The following GLB1L3 variants were observed in gnomAD, a reference collection of about 807,000 sequenced individuals.
GLB1L3 encodes beta-galactosidase-1-like protein 3.
Under a neutral mutation model 89.5 loss-of-function variants are expected in GLB1L3, and 89 were observed. The ratio of observed to expected loss-of-function variants is 0.99; its 90% CI spans 0.84 to 1.19. The LOEUF is 1.19. Ranked by LOEUF, GLB1L3 falls within the 50% of genes most tolerant of loss-of-function variation. The probability of loss-of-function intolerance (pLI) is 0.00; values close to 1 mark genes in which losing one functional copy is unlikely to be tolerated. For synonymous variants in GLB1L3, 314 were observed against 312.3 expected (o/e 1.01, Z -0.06); for missense variants, 812 against 813.3 (o/e 1.00, Z 0.02).
Position 134,313,430 on chromosome 11 carries a change from A to C in GLB1L3, c.1535A>C (p.Gln512Pro), listed in dbSNP as rs753546570. ...CRYLRILVENQGRVNFSWQIQ... is the reference protein window; with the variant it reads ...CRYLRILVENPGRVNFSWQIQ... ...TACCTGAGGATCCTGGTGGAGAATC[A>C]AGGACGAGTCAATTTTTCATGGCAA... The change falls in exon 16 of 20, where the codon CAA becomes CCA. Residue 512 changes from glutamine (Q) to proline (P), a missense_variant. Physicochemically the swap from Gln to Pro is moderately conservative, Grantham distance 76. Transcript: ENST00000431683. 1 of 1,585,224 alleles carries C rather than the reference A, an allele frequency of 6.3e-7. No homozygotes were observed. Among genetic ancestry groups the C allele is most frequent in the East Asian group, 2.3e-5 (1 of 43,596 alleles).
downstream of GLB1L3, among the ~76,000 whole-genome samples, chr11:134,321,817 T>C (rs1943172699): frequency 6.6e-6 from 1 of 151,838 alleles, no homozygotes; most frequent in African/African-American, 2.4e-5. Context: ...ACACCTAATG[T>C]AAATGAGGAG....
chr11:134,284,745 CA>C (rs1450018848), intron 6 of GLB1L3, among the ~76,000 whole-genome samples: 8 of 151,428 alleles, frequency 5.3e-5, no homozygotes, highest in Admixed American at 4.6e-4. Flanking sequence ...CAAAACGAAA[CA>C]AAAAAACAAA....
Position 134,314,582 on chromosome 11 carries a change from A to G in GLB1L3, c.1779+141A>G, listed in dbSNP as rs914446488. On this transcript the variant is annotated intron_variant, in intron 18 of 19. Coordinates refer to ENST00000431683, the MANE Select transcript of GLB1L3 (RefSeq NM_001080407.3). ...TCCTCATCTCCAACCAAGCCTTCCA[A>G]CATTGATCAGTCTTCCTAATTTATC... is the stretch of plus-strand genomic sequence containing the variant. The G allele has an allele frequency of 1.2e-5, 8 of 671,068 alleles. No homozygotes were observed. In the Admixed American group the frequency reaches 2.1e-4, roughly 18 times the overall value. The allele number at this position is 671,068 out of a possible 1,614,324, so 41.6% of individuals were successfully genotyped here. A position where few individuals can be genotyped will look rare whatever the true frequency, so the allele number is the denominator to read the frequency against.
Position 134,277,736 on chromosome 11 carries a change from G to A in GLB1L3, c.186G>A (p.Lys62=), listed in dbSNP as rs1396614409. ...CTCATCTGACCCCTCTGGAGCTGAAGAATCGATCTGTGGGACTTGGAACTG... is the reference window on the plus strand; with the variant it reads ...CTCATCTGACCCCTCTGGAGCTGAAAAATCGATCTGTGGGACTTGGAACTG... ...NWSHLTPLEL[K]NRSVGLGTES... is the part of the protein sequence containing the mutation. The change falls in exon 3 of 20, where the codon AAG becomes AAA. Residue 62 remains lysine, a synonymous_variant. Transcript: ENST00000431683. The A allele has an allele frequency of 3.7e-6, 6 of 1,612,884 alleles. No homozygotes were observed. In the South Asian group the frequency reaches 5.5e-5, roughly 15 times the overall value.
chr11:134,295,651 G>T (rs1033156294), intron 9 of GLB1L3, among the ~76,000 whole-genome samples: 9 of 152,112 alleles, frequency 5.9e-5, no homozygotes, highest in Non-Finnish European at 1.3e-4. Flanking sequence ...CCCTTCTGCT[G>T]CCTTCAGATT....
At chr11:134,280,032 G>C (rs1171664861) in intron 3 of GLB1L3, among the ~76,000 whole-genome samples, 1 of 151,802 alleles carries the variant, frequency 6.6e-6, no homozygotes, top group Non-Finnish European at 1.5e-5. Context: ...TCAAAGATAT[G>C]AATGTTTCTC....
Position 134,312,470 on chromosome 11 carries a change from A to C in GLB1L3, c.1409A>C (p.His470Pro). The stretch of plus-strand genomic sequence containing the variant: ...TGCTCCGGAGGCCGCCTCCGTGCCC[A>C]CGCTCATGACGTGGCACAGGTAGGG... ...SICSGGRLRA[H>P]AHDVAQVFLD... The change falls in exon 14 of 20, where the codon CAC (histidine) becomes CCC (proline). Residue 470 changes from histidine (H) to proline (P), a missense_variant. This residue lies in a region of GLB1L3 where 618 missense variants were observed against 604.0 expected (regional missense o/e 1.02). Coordinates refer to ENST00000431683, the MANE Select transcript of GLB1L3 (RefSeq NM_001080407.3). 6.2e-7 allele frequency: 1 copy of C among 1,612,814 alleles called. No individual in the cohort carries two copies. Among genetic ancestry groups the C allele is most frequent in the Non-Finnish European group, 8.5e-7 (1 of 1,179,868 alleles).
chr11:134,307,017 A>G, intron 9 of GLB1L3, 107 bp from the exon 10 acceptor site: 1 of 728,112 alleles, frequency 1.4e-6, no homozygotes, highest in Admixed American at 2.7e-5. Flanking sequence ...AATTGGGAAA[A>G]AGGAGAAACG....
At chr11:134,324,136 C>T (rs922081795), downstream of GLB1L3, among the ~76,000 whole-genome samples, 2 of 152,160 alleles carry the variant, frequency 1.3e-5, no homozygotes, top group African/African-American at 4.8e-5. Context: ...ACTCAGAAAT[C>T]ATGGCAAAGA....
At chr11:134,318,568 G>C (rs531129236) in intron 18 of GLB1L3, 63 bp from the exon 19 acceptor site, 8 of 951,986 alleles carry the variant, frequency 8.4e-6, no homozygotes, top group Non-Finnish European at 6.7e-6. Context: ...CTCTCCAAGT[G>C]CCTTAGGTTT....
chr11:134,308,453 CACCACCACCACCACCACCAAAT>C (rs1419121594), intron 10 of GLB1L3, among the ~76,000 whole-genome samples: 11 of 44,404 alleles, frequency 2.5e-4, no homozygotes, highest in African/African-American at 4.0e-4. Context: ...CCATCACCAC[CACCACCACCACCACCACCAAAT>C]ACCACCACCA....
At chr11:134,308,556 T>C (rs140914654) in intron 10 of GLB1L3, among the ~76,000 whole-genome samples, 2,099 of 57,240 alleles carry the variant, frequency 0.037, 215 homozygotes, top group Middle Eastern at 0.077. Context: ...ACCATCACCA[T>C]CACCACCACC....
At chr11:134,320,738 CAA>C (rs58638015), downstream of GLB1L3, among the ~76,000 whole-genome samples, 67 of 139,360 alleles carry the variant, frequency 4.8e-4, 1 homozygote, top group African/African-American at 1.6e-3. Context: ...ACAAGAAAAA[CAA>C]AAAAAAAAAA....
At position 134,281,442 on chromosome 11, in the gene GLB1L3, T is replaced by A; in HGVS notation, c.428T>A (p.Leu143Gln). The change falls in exon 4 of 20, where the codon CTG (leucine) becomes CAG (glutamine). Residue 143 changes from leucine to glutamine, a missense_variant. Physicochemically the swap from Leu to Gln is moderately radical, Grantham distance 113 (BLOSUM62 -2). Around this residue, in one of 3 missense-constraint regions of GLB1L3, gnomAD observed 191 missense variants for 191.4 expected, o/e 1.00. Transcript: ENST00000431683. ...GKFDFSGNLD[L>Q]EAFVLMAAEI... is the part of the protein sequence containing the mutation. Reference sequence around the variant, plus strand: ...TTTGACTTCTCTGGGAACCTGGACCTGGAGTATGTGGTGTTGCTGCTTCTG... The same window carrying A: ...TTTGACTTCTCTGGGAACCTGGACCAGGAGTATGTGGTGTTGCTGCTTCTG... 1 of 1,612,220 alleles carries A rather than the reference T, an allele frequency of 6.2e-7. No homozygotes were observed. Among genetic ancestry groups the A allele is most frequent in the Non-Finnish European group, 8.5e-7 (1 of 1,178,704 alleles).
chr11:134,277,895 C>T lies in GLB1L3; in HGVS notation c.345C>T (p.Gly115=). The change falls in exon 3 of 20, where the codon GGC becomes GGT. Residue 115 remains glycine (G), a synonymous_variant. Coordinates refer to ENST00000431683, the MANE Select transcript of GLB1L3 (RefSeq NM_001080407.3). ...RDRLLKLKAC[G]FNTVTTYVPW... Reference sequence around the variant, plus strand: ...GCCTGCTGAAGCTGAAGGCCTGTGGCTTCAATACTGTCACCACGTGAGTGC... The same window carrying T: ...GCCTGCTGAAGCTGAAGGCCTGTGGTTTCAATACTGTCACCACGTGAGTGC... 1 of 1,614,000 alleles carries T rather than the reference C, an allele frequency of 6.2e-7. No individual in the cohort carries two copies. Among genetic ancestry groups the T allele is most frequent in the Non-Finnish European group, 8.5e-7 (1 of 1,179,990 alleles).
chr11:134,304,338 T>A (rs565713), intron 9 of GLB1L3, among the ~76,000 whole-genome samples: 129,244 of 152,202 alleles, frequency 0.85, 55,193 homozygotes, highest in Non-Finnish European at 0.88. Flanking sequence ...CCTCAATGAG[T>A]GGGTTCGTCC....
chr11:134,292,974 T>C, intron 8 of GLB1L3, 171 bp from the exon 9 acceptor site: 1 of 655,188 alleles, frequency 1.5e-6, no homozygotes, highest in Non-Finnish European at 2.8e-6. Context: ...GATGTGGCGA[T>C]GGCCGTGGCA....
intron 3 of GLB1L3, among the ~76,000 whole-genome samples, chr11:134,279,364 C>CTTTTTTTTTTTT (rs10577769): frequency 2.1e-4 from 23 of 108,308 alleles, no homozygotes; most frequent in Non-Finnish European, 2.6e-4. Context: ...TTTTCTTTTT[C>CTTTTTTTTTTTT]TTTTTTTTTT....
Position 134,305,335 on chromosome 11 carries a change from G to A in GLB1L3, c.877-1789G>A, listed in dbSNP as rs1012171858. 5 of 490,796 alleles carry A rather than the reference G, an allele frequency of 1.0e-5. No homozygotes were observed. The East Asian group carries it at 1.3e-4, about 12-fold the overall frequency. 30.4% of individuals were successfully genotyped at this position (490,796 alleles called of 1,614,324 possible). On this transcript the variant is annotated intron_variant, in intron 9 of 19. Transcript: ENST00000431683. ...TATAGAGTATGCTTCTTACTTAGGA[G>A]AAATTTGTGCTGTTAGTCTTTCCTA...
Sources: allele counts gnomAD v4.1 joint callset (sites outside exome capture counted in the v4.1 genomes callset), GRCh38; gene constraint gnomAD v4.1.1; regional missense constraint gnomAD v4.1.1; transcripts MANE v1.5; gene names NCBI Gene and HGNC (gene_info 2026-07-23, HGNC 2026-07-21).